Variants in KAZN observed in about 807,000 individuals in gnomAD.
The protein encoded by KAZN is kazrin.
KAZN carries 40 observed loss-of-function variants against 87.4 expected under a neutral mutation model. That is an observed-to-expected ratio of 0.46 (90% confidence interval 0.36 to 0.60). The LOEUF (loss-of-function observed/expected upper bound fraction) is 0.60, where lower values mean the gene tolerates loss of function less well. Ranked by LOEUF, KAZN falls within the 20% of genes least tolerant of loss-of-function variation. KAZN has a pLI of 0.00. For missense variants in KAZN, 898 were observed against 1,073.9 expected, an observed-to-expected ratio of 0.84 and a Z score of 2.29; for synonymous variants, 466 against 458.3, an observed-to-expected ratio of 1.02 and a Z score of -0.22.
intron 2 of KAZN, among the ~76,000 whole-genome samples, chr1:14,278,029 G>A (rs1371890792): frequency 6.6e-6 from 1 of 151,610 alleles, no homozygotes; most frequent in Non-Finnish European, 1.5e-5. Context: ...GGGTCATGTG[G>A]AGAGGTGGCA....
At chr1:14,374,106 A>G (rs778669453) in intron 2 of KAZN, among the ~76,000 whole-genome samples, 1 of 152,192 alleles carries the variant, frequency 6.6e-6, no homozygotes, top group Non-Finnish European at 1.5e-5. Flanking sequence ...CCAGGTTATA[A>G]TAAAAGCACT....
chr1:14,058,975 T>C (rs1478838220), intron 1 of KAZN, among the ~76,000 whole-genome samples: 1 of 152,198 alleles, frequency 6.6e-6, no homozygotes, highest in Non-Finnish European at 1.5e-5. Flanking sequence ...GAATTATTGC[T>C]ATGATGCTAC....
chr1:14,086,742 A>G (rs12139399), intron 1 of KAZN, among the ~76,000 whole-genome samples: 49,175 of 152,010 alleles, frequency 0.32, 8,392 homozygotes, highest in Middle Eastern at 0.41. Flanking sequence ...ATTTTTGTAC[A>G]TAGTATGAGG....
intron 1 of KAZN, among the ~76,000 whole-genome samples, chr1:13,936,162 T>C (rs1640737448): frequency 7.4e-6 from 1 of 135,032 alleles, no homozygotes; most frequent in Non-Finnish European, 1.5e-5. Context: ...AATGGTGCGA[T>C]CTCGGCACAC....
chr1:14,752,839 TCTGTTCAAATCTAA>T lies in KAZN; in HGVS notation c.226+153618_226+153631del. Reference sequence around the variant, plus strand: ...TCCTTTTTCCACCACCACACCACTGTCTGTTCAAATCTAACAAAACAAACACCAGCTACCATTGG... The same window carrying T: ...TCCTTTTTCCACCACCACACCACTGTCAAAACAAACACCAGCTACCATTGG... On this transcript the variant is annotated intron_variant, in intron 1 of 14. Coordinates refer to ENST00000376030, the MANE Select transcript of KAZN (RefSeq NM_201628.3). Among the ~76,000 whole-genome samples the T allele has an allele frequency of 2.0e-5, 3 of 152,300 alleles. No individual in the cohort carries two copies. The South Asian group carries it at 6.2e-4, about 32-fold the overall frequency.
chr1:14,231,457 G>A (rs1488801232), intron 2 of KAZN, among the ~76,000 whole-genome samples: 1 of 152,098 alleles, frequency 6.6e-6, no homozygotes, highest in African/African-American at 2.4e-5. Context: ...GATTACAACG[G>A]CCCATGCCGC....
At chr1:14,160,224 T>C (rs1469655234) in intron 1 of KAZN, among the ~76,000 whole-genome samples, 1 of 152,190 alleles carries the variant, frequency 6.6e-6, no homozygotes, top group Non-Finnish European at 1.5e-5. Context: ...TAGCAAGGCT[T>C]TCAGGAACTC....
At chr1:14,433,415 G>A (rs1666196533) in intron 2 of KAZN, among the ~76,000 whole-genome samples, 1 of 151,984 alleles carries the variant, frequency 6.6e-6, no homozygotes, top group Admixed American at 6.6e-5. Context: ...TTTTTTTGTG[G>A]TTTGCTCTTA....
rs148702298 is a variant in KAZN at position 14,709,312 on chromosome 1, C to T, written c.226+110089C>T. ...TGCAAAATGTTTGTCTTTCCAGTTA[C>T]GTGTCTTCCCTATCCAAAGGCATTT... On this transcript the variant is annotated intron_variant, in intron 1 of 14. Transcript: ENST00000376030. 2.2e-4 allele frequency among the ~76,000 whole-genome samples: 34 copies of T among 152,266 alleles called. No individual in the cohort carries two copies. In the East Asian group the frequency reaches 5.4e-3, roughly 24 times the overall value.
At chr1:13,947,096 A>G (rs1641175354) in intron 1 of KAZN, among the ~76,000 whole-genome samples, 1 of 152,104 alleles carries the variant, frequency 6.6e-6, no homozygotes, top group Admixed American at 6.5e-5. Context: ...TCACACTGCT[A>G]TAAAGAAGTG....
intron 2 of KAZN, among the ~76,000 whole-genome samples, chr1:14,386,861 G>A (rs1284517149): frequency 6.6e-6 from 1 of 152,238 alleles, no homozygotes; most frequent in East Asian, 1.9e-4. Flanking sequence ...ATGTTGGCCT[G>A]CCTTGCTGGA....
chr1:14,128,913 A>G (rs571782584), intron 1 of KAZN, among the ~76,000 whole-genome samples: 68 of 152,316 alleles, frequency 4.5e-4, no homozygotes, highest in African/African-American at 1.6e-3. Flanking sequence ...CCCCGGTGCT[A>G]GAAGTACAAT....
At chr1:14,517,135 C>A (rs1405067216) in intron 2 of KAZN, among the ~76,000 whole-genome samples, 2 of 152,126 alleles carry the variant, frequency 1.3e-5, no homozygotes, top group East Asian at 3.9e-4. Context: ...ATTACCTTGG[C>A]CACAGTGATT....
At chr1:14,608,538 A>G (rs1415412858) in intron 1 of KAZN, among the ~76,000 whole-genome samples, 1 of 152,232 alleles carries the variant, frequency 6.6e-6, no homozygotes, top group Admixed American at 6.5e-5. Context: ...TAGATTATTA[A>G]AAAGTACAAC....
At chr1:15,070,890 T>G (rs927358100) in intron 8 of KAZN, among the ~76,000 whole-genome samples, 1 of 152,186 alleles carries the variant, frequency 6.6e-6, no homozygotes, top group African/African-American at 2.4e-5. Context: ...CCCAAAAACT[T>G]GCATTTTCCC....
intron 2 of KAZN, among the ~76,000 whole-genome samples, chr1:14,245,401 CA>C (rs1649404359): frequency 6.6e-6 from 1 of 152,056 alleles, no homozygotes; most frequent in African/African-American, 2.4e-5. Flanking sequence ...TGCATCTTTC[CA>C]TATCAATAAA....
intron 1 of KAZN, among the ~76,000 whole-genome samples, chr1:14,617,006 T>C (rs1176538159): frequency 6.6e-6 from 1 of 152,196 alleles, no homozygotes; most frequent in African/African-American, 2.4e-5. Context: ...GCCACTTCCA[T>C]TGTTGTTTCT....
chr1:14,055,480 AAAG>A (rs1403909249), intron 1 of KAZN, among the ~76,000 whole-genome samples: 3 of 152,196 alleles, frequency 2.0e-5, no homozygotes, highest in African/African-American at 7.2e-5. Context: ...AAGGTTCCAG[AAAG>A]CTTTGATTGC....
intron 1 of KAZN, among the ~76,000 whole-genome samples, chr1:14,663,047 T>C (rs1304744530): frequency 6.6e-6 from 1 of 151,520 alleles, no homozygotes; most frequent in Non-Finnish European, 1.5e-5. Context: ...CATAGCTCAC[T>C]GTAGCCTTGA....
Sources: gnomAD v4.1 joint callset for allele counts (sites outside exome capture counted in the v4.1 genomes callset) on GRCh38, gnomAD v4.1.1 for gene constraint, MANE v1.5 for transcripts, NCBI Gene and HGNC (gene_info 2026-07-23, HGNC 2026-07-21) for gene names.